Variants in BAG3 observed in about 807,000 individuals in gnomAD.
BAG3 encodes BAG family molecular chaperone regulator 3.
A neutral mutation model predicts 40.5 loss-of-function variants in BAG3; 14 were observed. That is an observed-to-expected ratio of 0.35 (90% CI 0.23 to 0.54). The LOEUF (loss-of-function observed/expected upper bound fraction) is 0.54, where lower values mean the gene tolerates loss of function less well. Ranked by LOEUF, BAG3 falls within the 20% of genes least tolerant of loss-of-function variation. BAG3 has a pLI of 0.91. For missense variants in BAG3, 788 were observed against 758.6 expected (o/e 1.04, Z -0.46); for synonymous variants, 302 against 307.8 (o/e 0.98, Z 0.20).
intron 1 of BAG3, among the ~76,000 whole-genome samples, chr10:119,656,056 T>C (rs544913909): frequency 8.9e-4 from 135 of 152,306 alleles, no homozygotes; most frequent in African/African-American, 3.2e-3. Context: ...GTTTATTACT[T>C]TCTATTGACA....
At chr10:119,656,775 C>T in intron 1 of BAG3, 1 of 152,178 alleles carries the variant, frequency 6.6e-6, no homozygotes, top group Non-Finnish European at 1.5e-5. Context: ...ATTTTTCTGT[C>T]TGTCAACACA....
In BAG3 at chr10:119,665,144, A is replaced by ATATTTT. The variant is rs1229780180; in HGVS notation, c.181-4706_181-4705insATTTTT. The stretch of plus-strand genomic sequence containing the variant: ...TGTGTGTGTATATATATATATATAT[A>ATATTTT]TTTTTTTTTTTAGTTGGAGTCTTGC... On this transcript the variant is annotated intron_variant, in intron 1 of 3. Coordinates refer to ENST00000369085, the MANE Select transcript of BAG3 (RefSeq NM_004281.4). 3.3e-3 allele frequency among the ~76,000 whole-genome samples: 289 copies of ATATTTT among 88,786 alleles called. 8 individuals are homozygous for ATATTTT. Among genetic ancestry groups the ATATTTT allele is most frequent in the African/African-American group, 0.012 (273 of 22,360 alleles). The allele number at this position is 88,786 out of a possible 152,430, so 58.2% of individuals were successfully genotyped here. A position where few individuals can be genotyped will look rare whatever the true frequency, so the allele number is the denominator to read the frequency against.
At chr10:119,660,232 G>A (rs1846974845) in intron 1 of BAG3, among the ~76,000 whole-genome samples, 1 of 152,230 alleles carries the variant, frequency 6.6e-6, no homozygotes, top group Non-Finnish European at 1.5e-5. Context: ...AGCCTGGCCT[G>A]GCTTTTCTCT....
intron 1 of BAG3, among the ~76,000 whole-genome samples, chr10:119,665,432 GCC>G (rs1253424715): frequency 7.2e-5 from 11 of 151,756 alleles, no homozygotes; most frequent in Non-Finnish European, 1.3e-4. Flanking sequence ...GAGCCACCGC[GCC>G]CAGCCTAATT....
chr10:119,651,476 G>C lies in BAG3; in HGVS notation c.-200G>C. ...CCCTTTATCTCCTCCTTCCCCTCTG[G>C]CAGCGAGGAGGCTATTTCCAGACAC... On this transcript the variant is annotated 5_prime_UTR_variant, in exon 1 of 4. Transcript: ENST00000369085. The C allele has an allele frequency of 2.2e-6, 1 of 449,970 alleles. No homozygotes were observed. Among genetic ancestry groups the C allele is most frequent in the South Asian group, 5.1e-5 (1 of 19,728 alleles). The allele number at this position is 449,970 out of a possible 1,614,324, so 27.9% of individuals were successfully genotyped here.
chr10:119,672,628 G>T lies in BAG3; in HGVS notation c.881G>T (p.Arg294Leu). ...STPLHSPSPI[R>L]VHTVVDRPQQ... ...CCACTCCACTCCCCCTCGCCCATCCGTGTGCACACCGTGGTCGACAGGCCT... is the reference window on the plus strand; with the variant it reads ...CCACTCCACTCCCCCTCGCCCATCCTTGTGCACACCGTGGTCGACAGGCCT... Residue 294 changes from arginine to leucine, a missense_variant, in exon 3 of 4, where the codon CGT becomes CTT. By Grantham distance (102) the Arg-to-Leu change is moderately radical. Transcript: ENST00000369085. The surrounding 1 kb of genome is among the most constrained non-coding windows in gnomAD (Gnocchi z 4.8). 6.2e-7 allele frequency: 1 copy of T among 1,613,962 alleles called. No homozygotes were observed. The highest frequency in any genetic ancestry group is 8.5e-7 in the Non-Finnish European group (1 of 1,180,026).
In BAG3 at chr10:119,672,164, C is replaced by T. The variant is rs1017390122; in HGVS notation, c.508-91C>T. 69 of 1,528,982 alleles carry T rather than the reference C, an allele frequency of 4.5e-5. No homozygotes were observed. Among genetic ancestry groups the T allele is most frequent in the Non-Finnish European group, 3.6e-5 (40 of 1,114,722 alleles). 94.7% of individuals were successfully genotyped at this position (1,528,982 alleles called of 1,614,324 possible). ...AGGAGGTCTTACAATATGGATTGCCCTGAGGAGGTGCACAGCAGAAGGCGT... is the reference window on the plus strand; with the variant it reads ...AGGAGGTCTTACAATATGGATTGCCTTGAGGAGGTGCACAGCAGAAGGCGT... On this transcript the variant is annotated intron_variant, in intron 2 of 3. Coordinates refer to ENST00000369085, the MANE Select transcript of BAG3 (RefSeq NM_004281.4). The surrounding 1 kb of genome is among the most constrained non-coding windows in gnomAD (Gnocchi z 4.8).
rs553617193 is a variant in BAG3 at position 119,671,624 on chromosome 10, G to A, written c.508-631G>A. ...GGCCTGGGGCTGAGGCACATGCCCA[G>A]GTGACTGACCTCATCTTCAGAGCAG... is the stretch of plus-strand genomic sequence containing the variant. On this transcript the variant is annotated intron_variant, in intron 2 of 3. Coordinates refer to ENST00000369085, the MANE Select transcript of BAG3 (RefSeq NM_004281.4). Among the ~76,000 whole-genome samples the A allele has an allele frequency of 2.0e-5, 3 of 152,308 alleles. No homozygotes were observed. The East Asian group carries it at 5.8e-4, about 29-fold the overall frequency.
rs772261490 is a variant in BAG3, at chr10:119,655,947, C to G, written c.180+4092C>G. On this transcript the variant is annotated intron_variant, in intron 1 of 3. Coordinates refer to ENST00000369085, the MANE Select transcript of BAG3 (RefSeq NM_004281.4). ...TAACTGTTGGATGCTATCAGGGCTG[C>G]TTGTGAGTCAGAAAGCTTCATACCA... Among the ~76,000 whole-genome samples, 31 of 152,276 alleles carry G rather than the reference C, an allele frequency of 2.0e-4. 1 individual carries two copies. The highest frequency in any genetic ancestry group is 7.2e-4 in the African/African-American group (30 of 41,548).
intron 1 of BAG3, among the ~76,000 whole-genome samples, chr10:119,664,161 T>C (rs145017847): frequency 1.5e-3 from 226 of 152,298 alleles, no homozygotes; most frequent in African/African-American, 4.3e-3. Context: ...GACCTGCTCT[T>C]AAGCAAACGA....
chr10:119,671,771 G>GTGTTTTGTTT (rs553457382), intron 2 of BAG3, among the ~76,000 whole-genome samples: 1 of 152,240 alleles, frequency 6.6e-6, no homozygotes, highest in African/African-American at 2.4e-5. Flanking sequence ...GTGTGTGTGT[G>GTGTTTTGTTT]TGTTTTGTTT....
At chr10:119,668,378 A>C (rs931108727) in intron 1 of BAG3, among the ~76,000 whole-genome samples, 1 of 152,194 alleles carries the variant, frequency 6.6e-6, no homozygotes. Context: ...AGCAGTAGAG[A>C]TTGTCCCCTG....
chr10:119,674,330 A>T (rs1460478563), intron 3 of BAG3, among the ~76,000 whole-genome samples: 3 of 152,196 alleles, frequency 2.0e-5, no homozygotes, highest in Non-Finnish European at 4.4e-5. Flanking sequence ...AGACAGCTAC[A>T]TCGATCCATA....
chr10:119,663,862 C>G (rs1221904440), intron 1 of BAG3, among the ~76,000 whole-genome samples: 1 of 152,128 alleles, frequency 6.6e-6, no homozygotes, highest in Non-Finnish European at 1.5e-5. Context: ...CCTCACACAC[C>G]TACGGAATCA....
At chr10:119,675,914 T>C (rs1177225529) in intron 3 of BAG3, among the ~76,000 whole-genome samples, 1 of 18,382 alleles carries the variant, frequency 5.4e-5, no homozygotes, top group Non-Finnish European at 1.1e-4. Flanking sequence ...CCTTCCTTCC[T>C]TCCTTCCTCC....
chr10:119,653,573 A>G (rs931058895), intron 1 of BAG3, among the ~76,000 whole-genome samples: 2 of 152,220 alleles, frequency 1.3e-5, no homozygotes, highest in African/African-American at 4.8e-5. Context: ...TTATTAAAAG[A>G]AAAAAAGCAG....
chr10:119,660,994 G>A (rs1007005672), intron 1 of BAG3, among the ~76,000 whole-genome samples: 2 of 152,338 alleles, frequency 1.3e-5, no homozygotes, highest in Non-Finnish European at 2.9e-5. Flanking sequence ...TCAGGAGGCT[G>A]AGGCAGGAGA....
Position 119,651,717 on chromosome 10 carries a change from C to G in BAG3, c.42C>G (p.Ser14=). ...ATHSPMMQVA[S]GNGDRDPLPP... is the part of the protein sequence containing the mutation. ...ACTCGCCCATGATGCAGGTGGCGTCCGGCAACGGTGACCGCGACCCTTTGC... is the reference window on the plus strand; with the variant it reads ...ACTCGCCCATGATGCAGGTGGCGTCGGGCAACGGTGACCGCGACCCTTTGC... The change falls in exon 1 of 4, where the codon TCC becomes TCG. Residue 14 remains serine (S), a synonymous_variant. Transcript: ENST00000369085. 2 of 1,595,888 alleles carry G rather than the reference C, an allele frequency of 1.3e-6. No individual in the cohort carries two copies. Among genetic ancestry groups the G allele is most frequent in the Non-Finnish European group, 1.7e-6 (2 of 1,171,966 alleles).
intron 1 of BAG3, 70 bp downstream of exon 1, chr10:119,651,925 G>C: frequency 8.0e-7 from 1 of 1,250,502 alleles, no homozygotes; most frequent in South Asian, 3.0e-5. Context: ...GAGTGGGCTG[G>C]GCCGGGGGGA....
Sources: gnomAD v4.1 joint callset for allele counts (sites outside exome capture counted in the v4.1 genomes callset) on GRCh38, gnomAD v4.1.1 for gene constraint, Gnocchi (gnomAD v3.1) non-coding constraint, MANE v1.5 for transcripts, NCBI Gene and HGNC (gene_info 2026-07-23, HGNC 2026-07-21) for gene names.